CYRIA: variants seen among roughly 807,000 people sequenced by gnomAD.
CYRIA encodes the protein CYFIP-related Rac1 interactor A.
Under a neutral mutation model 43.9 loss-of-function variants are expected in CYRIA, and 15 were observed. The observed-to-expected ratio is 0.34, with a 90% CI of 0.23 to 0.53. CYRIA has a LOEUF of 0.53. Ranked by LOEUF, CYRIA falls within the 20% of genes least tolerant of loss-of-function variation. The pLI, the probability that CYRIA is intolerant of heterozygous loss-of-function variation, is 0.94. For synonymous variants in CYRIA, 117 were observed against 136.0 expected (o/e 0.86, Z 0.97); for missense variants, 236 against 394.2 (o/e 0.60, Z 3.40).
chr2:16,610,580 G>T (rs1668556190), intron 2 of CYRIA, among the ~76,000 whole-genome samples: 1 of 152,092 alleles, frequency 6.6e-6, no homozygotes. Context: ...AAGTGTCCCT[G>T]ATCCAGCCCA....
At chr2:16,632,280 T>A (rs1462936226) in intron 1 of CYRIA, among the ~76,000 whole-genome samples, 2 of 152,202 alleles carry the variant, frequency 1.3e-5, no homozygotes, top group Non-Finnish European at 1.5e-5. Context: ...CACTGACATT[T>A]GAGAAAGTCA....
chr2:16,583,216 T>C (rs950383004), intron 3 of CYRIA, among the ~76,000 whole-genome samples: 2 of 152,220 alleles, frequency 1.3e-5, no homozygotes, highest in Non-Finnish European at 2.9e-5. Flanking sequence ...AGTTATTTGC[T>C]GATTAAAATA....
intron 2 of CYRIA, among the ~76,000 whole-genome samples, chr2:16,619,733 T>C (rs1296802341): frequency 2.0e-5 from 3 of 152,152 alleles, no homozygotes; most frequent in Non-Finnish European, 4.4e-5. Flanking sequence ...GATGAGGAGG[T>C]GGCTACTAAT....
chr2:16,581,455 G>T (rs1667546618), intron 3 of CYRIA, among the ~76,000 whole-genome samples: 2 of 152,070 alleles, frequency 1.3e-5, no homozygotes, highest in African/African-American at 2.4e-5. Context: ...ACCAAATGTT[G>T]GAGAAGATGT....
At chr2:16,613,357 C>G (rs1407408587) in intron 2 of CYRIA, among the ~76,000 whole-genome samples, 1 of 152,134 alleles carries the variant, frequency 6.6e-6, no homozygotes, top group African/African-American at 2.4e-5. Context: ...CACAGAGGAC[C>G]CTGACACTGA....
At chr2:16,639,176 C>T (rs1300251019) in intron 1 of CYRIA, among the ~76,000 whole-genome samples, 1 of 152,186 alleles carries the variant, frequency 6.6e-6, no homozygotes, top group African/African-American at 2.4e-5. Context: ...CTGGTAATCG[C>T]TCGTCCTCGT....
At chr2:16,628,803 T>A (rs1422127705) in intron 1 of CYRIA, among the ~76,000 whole-genome samples, 1 of 152,180 alleles carries the variant, frequency 6.6e-6, no homozygotes, top group East Asian at 1.9e-4. Flanking sequence ...TCCACACAAA[T>A]ACTCTTTCCA....
intron 2 of CYRIA, among the ~76,000 whole-genome samples, chr2:16,609,584 A>G (rs539345567): frequency 6.6e-6 from 1 of 152,202 alleles, no homozygotes; most frequent in Admixed American, 6.5e-5. Context: ...GTGGAGTTCA[A>G]CCTAACAGTT....
chr2:16,619,833 T>C (rs915513807), intron 2 of CYRIA, among the ~76,000 whole-genome samples: 2 of 152,206 alleles, frequency 1.3e-5, no homozygotes, highest in Non-Finnish European at 2.9e-5. Flanking sequence ...AAATGAATGT[T>C]GGCCCTTATT....
At chr2:16,575,872 A>T (rs1406709997) in intron 3 of CYRIA, among the ~76,000 whole-genome samples, 2 of 139,748 alleles carry the variant, frequency 1.4e-5, no homozygotes, top group Non-Finnish European at 3.1e-5. Flanking sequence ...ATAAAAATAA[A>T]TAAATAAAAT....
chr2:16,592,848 T>A (rs914352592), intron 2 of CYRIA, among the ~76,000 whole-genome samples: 1 of 152,346 alleles, frequency 6.6e-6, no homozygotes, highest in Non-Finnish European at 1.5e-5. Context: ...TTAACCTGTT[T>A]GTATTTTCTG....
At position 16,614,721 on chromosome 2, in the gene CYRIA, G is replaced by A. The variant is rs372496819; in HGVS notation, c.-11+9143C>T. On this transcript the variant is annotated intron_variant, in intron 2 of 11. Transcript: ENST00000381323. ...TCAGGTCCTCTGGTACTCAGTGGAA[G>A]ATGGAAAATACACTGAGACGGAGCG... Among the ~76,000 whole-genome samples, 10 of 152,344 alleles carry A rather than the reference G, an allele frequency of 6.6e-5. No individual in the cohort carries two copies. In the East Asian group the frequency reaches 1.9e-3, roughly 29 times the overall value.
chr2:16,552,710 T>A lies in CYRIA; in HGVS notation c.*226A>T. On this transcript the variant is annotated 3_prime_UTR_variant, in exon 12 of 12. Coordinates refer to ENST00000381323, the MANE Select transcript of CYRIA (RefSeq NM_030797.4). ...AAGATCAAAGTCTCCGAATTTTGCC[T>A]TTGGAGAAGGGGGTTTCATTTCAGA... is the stretch of plus-strand genomic sequence containing the variant. 2.1e-6 allele frequency: 1 copy of A among 476,936 alleles called. No individual in the cohort carries two copies. The highest frequency in any genetic ancestry group is 3.7e-6 in the Non-Finnish European group (1 of 268,854). 29.5% of individuals were successfully genotyped at this position (476,936 alleles called of 1,614,324 possible). A position where few individuals can be genotyped will look rare whatever the true frequency, so the allele number is the denominator to read the frequency against.
intron 3 of CYRIA, among the ~76,000 whole-genome samples, chr2:16,567,340 G>A (rs1666970197): frequency 6.6e-6 from 1 of 152,130 alleles, no homozygotes; most frequent in Non-Finnish European, 1.5e-5. Flanking sequence ...GGAGGCAGAG[G>A]TTGCAATGAA....
intron 1 of CYRIA, among the ~76,000 whole-genome samples, chr2:16,624,385 A>C (rs1669094114): frequency 1.3e-5 from 2 of 152,194 alleles, no homozygotes; most frequent in South Asian, 4.1e-4. Context: ...TGTTTAACAC[A>C]TTTTGAAAAA....
chr2:16,654,325 T>C (rs1029748971), intron 1 of CYRIA, among the ~76,000 whole-genome samples: 3 of 152,198 alleles, frequency 2.0e-5, no homozygotes, highest in Non-Finnish European at 2.9e-5. Flanking sequence ...TGGGAATACA[T>C]GGTCAAAGTT....
At chr2:16,642,798 C>T (rs534540611) in intron 1 of CYRIA, among the ~76,000 whole-genome samples, 1 of 152,248 alleles carries the variant, frequency 6.6e-6, no homozygotes, top group Non-Finnish European at 1.5e-5. Context: ...TGTGCTCACT[C>T]CTTCACCTTT....
chr2:16,590,254 G>A (rs1259380521), intron 2 of CYRIA, among the ~76,000 whole-genome samples: 3 of 152,070 alleles, frequency 2.0e-5, no homozygotes, highest in Admixed American at 1.3e-4. Context: ...GGTTGGGCTG[G>A]TAGAGTCCAT....
At chr2:16,627,019 T>C (rs1669190437) in intron 1 of CYRIA, among the ~76,000 whole-genome samples, 2 of 152,146 alleles carry the variant, frequency 1.3e-5, no homozygotes, top group South Asian at 4.1e-4. Flanking sequence ...GGAGGTGCCT[T>C]ATCCAGAGTC....
Sources: gnomAD v4.1 joint callset for allele counts (sites outside exome capture counted in the v4.1 genomes callset) on GRCh38, gnomAD v4.1.1 for gene constraint, MANE v1.5 for transcripts, NCBI Gene and HGNC (gene_info 2026-07-23, HGNC 2026-07-21) for gene names.